The following UGT1A7 variants were observed in gnomAD, a reference collection of about 807,000 sequenced individuals.
UGT1A7 encodes UDP-glucuronosyltransferase 1A7.
A neutral mutation model predicts 45.6 loss-of-function variants in UGT1A7; 33 were observed. That is an observed-to-expected ratio of 0.72 (90% confidence interval 0.55 to 0.97). The LOEUF (loss-of-function observed/expected upper bound fraction) is 0.97, where lower values mean the gene tolerates loss of function less well. UGT1A7 is among the 50% of genes least tolerant of loss of function. The probability of loss-of-function intolerance (pLI) is 0.00; values close to 1 mark genes in which losing one functional copy is unlikely to be tolerated. For synonymous variants in UGT1A7, 274 were observed against 250.6 expected, an observed-to-expected ratio of 1.09 and a Z score of -0.88; for missense variants, 684 against 666.2, an observed-to-expected ratio of 1.03 and a Z score of -0.29.
chr2:233,728,446 A>G (rs1222950362), intron 1 of UGT1A7, among the ~76,000 whole-genome samples: 1 of 152,128 alleles, frequency 6.6e-6, no homozygotes, highest in African/African-American at 2.4e-5. Context: ...TATATGGAGA[A>G]TCCTCAACAA....
intron 1 of UGT1A7, chr2:233,690,497 A>T: frequency 7.8e-7 from 1 of 1,289,754 alleles, no homozygotes. Context: ...TGCTCTTGCC[A>T]ACAGAGATTT....
intron 1 of UGT1A7, among the ~76,000 whole-genome samples, chr2:233,738,308 G>T (rs1018461415): frequency 7.9e-5 from 12 of 152,194 alleles, no homozygotes; most frequent in African/African-American, 2.7e-4. Flanking sequence ...TGTCTTTATA[G>T]CAGTGTGTGA....
rs762109713 is a variant in UGT1A7, at chr2:233,760,481, C to T, written c.856-6553C>T. On this transcript the variant is annotated intron_variant, in intron 1 of 4. Coordinates refer to ENST00000373426, the MANE Select transcript of UGT1A7 (RefSeq NM_019077.3). ...ATAGTTGTCCTAGCACCTGACGCCT[C>T]GTTGTACATCAGAGACGGAGCATTT... 4.0e-5 allele frequency: 65 copies of T among 1,614,070 alleles called. No individual in the cohort carries two copies. The highest frequency in any genetic ancestry group is 5.3e-5 in the African/African-American group (4 of 74,932).
intron 1 of UGT1A7, chr2:233,729,460 A>G: frequency 1.2e-6 from 2 of 1,614,116 alleles, no homozygotes; most frequent in Non-Finnish European, 1.7e-6. Flanking sequence ...GAAATTTTTC[A>G]GAAGTATGGC....
In UGT1A7 at chr2:233,724,385, C is replaced by T. The variant is rs1406263837; in HGVS notation, c.855+41593C>T. ...GGACGGGGTGGCTGCCGGGCGGAGA[C>T]GCTCCTCACTTCCCAGATGGGGTGG... is the stretch of plus-strand genomic sequence containing the variant. On this transcript the variant is annotated intron_variant, in intron 1 of 4. Coordinates refer to ENST00000373426, the MANE Select transcript of UGT1A7 (RefSeq NM_019077.3). Among the ~76,000 whole-genome samples the T allele has an allele frequency of 2.7e-3, 360 of 130,940 alleles. 4 individuals are homozygous for T. Among genetic ancestry groups the T allele is most frequent in the African/African-American group, 9.9e-3 (334 of 33,572 alleles). 85.9% of individuals were successfully genotyped at this position (130,940 alleles called of 152,430 possible).
intron 1 of UGT1A7, chr2:233,743,191 C>T (rs1334858681): frequency 2.7e-6 from 1 of 376,140 alleles, no homozygotes; most frequent in East Asian, 7.3e-5. Flanking sequence ...ACTGGAATTA[C>T]TTGGTGTCAA....
chr2:233,727,683 T>C (rs2077639465), intron 1 of UGT1A7, among the ~76,000 whole-genome samples: 1 of 152,204 alleles, frequency 6.6e-6, no homozygotes, highest in Admixed American at 6.5e-5. Flanking sequence ...TTCCCAGGAA[T>C]CATCCTCTAC....
intron 1 of UGT1A7, among the ~76,000 whole-genome samples, chr2:233,700,747 GT>G (rs2075585152): frequency 6.6e-6 from 1 of 151,606 alleles, no homozygotes; most frequent in African/African-American, 2.4e-5. Flanking sequence ...TATACTTTAA[GT>G]TTTAGGGTAC....
intron 1 of UGT1A7, among the ~76,000 whole-genome samples, chr2:233,706,498 G>T (rs908363242): frequency 7.2e-5 from 11 of 152,246 alleles, no homozygotes; most frequent in African/African-American, 2.4e-4. Context: ...GTCCAGGCTG[G>T]TGTGATGCTG....
At chr2:233,710,053 C>T (rs1449655708) in intron 1 of UGT1A7, among the ~76,000 whole-genome samples, 1 of 152,168 alleles carries the variant, frequency 6.6e-6, no homozygotes, top group Non-Finnish European at 1.5e-5. Context: ...CTCTTTGGCT[C>T]GGCATAATGT....
intron 1 of UGT1A7, among the ~76,000 whole-genome samples, chr2:233,720,310 T>C (rs1232996751): frequency 6.6e-6 from 1 of 152,138 alleles, no homozygotes; most frequent in Non-Finnish European, 1.5e-5. Context: ...GTCTGGTGTA[T>C]GATGTGGGGA....
At chr2:233,754,520 T>C in intron 1 of UGT1A7, 1 of 365,678 alleles carries the variant, frequency 2.7e-6, no homozygotes, top group East Asian at 7.3e-5. Flanking sequence ...CAGATGTGCT[T>C]AAAGGCAAAT....
intron 1 of UGT1A7, among the ~76,000 whole-genome samples, chr2:233,698,795 G>A (rs1041135412): frequency 5.3e-5 from 8 of 152,198 alleles, no homozygotes; most frequent in African/African-American, 1.7e-4. Flanking sequence ...GGTAACCTCT[G>A]GGCTCCCAGC....
intron 1 of UGT1A7, among the ~76,000 whole-genome samples, chr2:233,695,077 T>A (rs1176900658): frequency 6.6e-6 from 1 of 152,172 alleles, no homozygotes; most frequent in Non-Finnish European, 1.5e-5. Context: ...ACTTTGGACT[T>A]ACTCATTCTA....
chr2:233,710,442 T>C (rs1002737247), intron 1 of UGT1A7, among the ~76,000 whole-genome samples: 4 of 152,256 alleles, frequency 2.6e-5, no homozygotes, highest in African/African-American at 7.2e-5. Flanking sequence ...TTTAGTCTTT[T>C]ACATTTTAGC....
At chr2:233,758,253 TAGTA>T (rs1415898131) in intron 1 of UGT1A7, among the ~76,000 whole-genome samples, 2 of 152,180 alleles carry the variant, frequency 1.3e-5, no homozygotes, top group African/African-American at 2.4e-5. Context: ...CTATTCAGAT[TAGTA>T]AGTATTTCTT....
Position 233,693,352 on chromosome 2 carries a change from G to C in UGT1A7, c.855+10560G>C, listed in dbSNP as rs757976622. 15 of 1,614,056 alleles carry C rather than the reference G, an allele frequency of 9.3e-6. No homozygotes were observed. Among genetic ancestry groups the C allele is most frequent in the Admixed American group, 1.7e-5 (1 of 59,998 alleles). On this transcript the variant is annotated intron_variant, in intron 1 of 4. Transcript: ENST00000373426. ...CTCAGACAGAGTACAGGAATAACAT[G>C]ATTGTTATTGGCCTGTACTTCATCA...
At chr2:233,709,342 AC>A (rs2076072449) in intron 1 of UGT1A7, among the ~76,000 whole-genome samples, 1 of 152,100 alleles carries the variant, frequency 6.6e-6, no homozygotes, top group African/African-American at 2.4e-5. Context: ...TGTCATATAA[AC>A]CTATTACTAT....
At chr2:233,731,654 T>C (rs1402359717) in intron 1 of UGT1A7, among the ~76,000 whole-genome samples, 1 of 152,254 alleles carries the variant, frequency 6.6e-6, no homozygotes. Context: ...ATGGTGTATA[T>C]GTGCCACATT....
Sources: allele counts gnomAD v4.1 joint callset (sites outside exome capture counted in the v4.1 genomes callset), GRCh38; gene constraint gnomAD v4.1.1; transcripts MANE v1.5; gene names NCBI Gene and HGNC (gene_info 2026-07-23, HGNC 2026-07-21).